PDE5A: variants seen among roughly 807,000 people sequenced by gnomAD.
PDE5A encodes the protein cGMP-specific 3',5'-cyclic phosphodiesterase.
In PDE5A, 67 loss-of-function variants were observed where a neutral mutation model predicts 110.2. That is an observed-to-expected ratio of 0.61 (90% CI 0.50 to 0.75). The LOEUF (loss-of-function observed/expected upper bound fraction) is 0.75. PDE5A is among the 30% of genes least tolerant of loss of function. The pLI, the probability that PDE5A is intolerant of heterozygous loss-of-function variation, is 0.00. For synonymous variants in PDE5A, 328 were observed against 351.2 expected (o/e 0.93, Z 0.74); for missense variants, 862 against 1,045.1 (o/e 0.82, Z 2.42).
intron 11 of PDE5A, among the ~76,000 whole-genome samples, chr4:119,537,593 C>G (rs1726772904): frequency 6.6e-6 from 1 of 152,046 alleles, no homozygotes; most frequent in Non-Finnish European, 1.5e-5. Flanking sequence ...GAGTTCTGTT[C>G]TCAGTCTCTC....
intron 7 of PDE5A, among the ~76,000 whole-genome samples, chr4:119,556,030 C>T (rs143736885): frequency 1.7e-3 from 264 of 152,258 alleles, no homozygotes; most frequent in African/African-American, 5.9e-3. Context: ...AGGTTAGTAA[C>T]TGTCATAGGA....
intron 1 of PDE5A, among the ~76,000 whole-genome samples, chr4:119,624,080 GT>G (rs2079978370): frequency 6.6e-6 from 1 of 151,982 alleles, no homozygotes; most frequent in Non-Finnish European, 1.5e-5. Flanking sequence ...CTTAGAGCTG[GT>G]TATATGGACC....
In PDE5A at chr4:119,627,303, C is replaced by T; in HGVS notation, c.152+1217G>A. 1 of 1,293,306 alleles carries T rather than the reference C, an allele frequency of 7.7e-7. No homozygotes were observed. Among genetic ancestry groups the T allele is most frequent in the Admixed American group, 3.2e-5 (1 of 31,306 alleles). The allele number at this position is 1,293,306 out of a possible 1,614,324, so 80.1% of individuals were successfully genotyped here. A position where few individuals can be genotyped will look rare whatever the true frequency, so the allele number is the denominator to read the frequency against. The stretch of plus-strand genomic sequence containing the variant: ...CTCAGAACCAGCTCCCTCACGGCCC[C>T]GGCCTCCGCGCCGCCGCCCGTCGCC... On this transcript the variant is annotated intron_variant, in intron 1 of 20. Coordinates refer to ENST00000354960, the MANE Select transcript of PDE5A (RefSeq NM_001083.4). This position sits in a 1 kb window ranked among gnomAD's most constrained non-coding sequence, Gnocchi z 4.6.
At position 119,498,535 on chromosome 4, in the gene PDE5A, A is replaced by T. The variant is rs144274189; in HGVS notation, c.*66T>A. ...TACAGACACTATACAGACAGTGTGTAAGAAACTAGGCATATTGCAGAACAC... is the reference window on the plus strand; with the variant it reads ...TACAGACACTATACAGACAGTGTGTTAGAAACTAGGCATATTGCAGAACAC... On this transcript the variant is annotated 3_prime_UTR_variant, in exon 21 of 21. Coordinates refer to ENST00000354960, the MANE Select transcript of PDE5A (RefSeq NM_001083.4). 584 of 1,572,188 alleles carry T rather than the reference A, an allele frequency of 3.7e-4. 9 individuals are homozygous for T. The East Asian group carries it at 0.013, about 35-fold the overall frequency.
chr4:119,522,416 T>C (rs755991057), intron 12 of PDE5A, among the ~76,000 whole-genome samples: 28 of 152,118 alleles, frequency 1.8e-4, no homozygotes, highest in Middle Eastern at 3.4e-3. Context: ...AAGTAAGATC[T>C]ATAAACTCTC....
At chr4:119,565,459 G>T in intron 4 of PDE5A, 49 bp from the exon 5 acceptor site, 1 of 1,212,698 alleles carries the variant, frequency 8.2e-7, no homozygotes, top group Non-Finnish European at 1.2e-6. Flanking sequence ...AAACAGTCTA[G>T]TTACATTGCC....
chr4:119,615,235 A>T (rs4834788), intron 1 of PDE5A, among the ~76,000 whole-genome samples: 1 of 152,006 alleles, frequency 6.6e-6, no homozygotes, highest in Non-Finnish European at 1.5e-5. Flanking sequence ...TCATTTTTAA[A>T]TAGGGGAAAA....
In PDE5A at chr4:119,501,197, T is replaced by C. The variant is rs150671601; in HGVS notation, c.2463A>G (p.Ile821Met). The C allele has an allele frequency of 6.2e-7, 1 of 1,611,756 alleles. No homozygotes were observed. Among genetic ancestry groups the C allele is most frequent in the African/African-American group, 1.3e-5 (1 of 75,000 alleles). Residue 821 changes from isoleucine (I) to methionine (M), a missense_variant, in exon 20 of 21, where the codon ATA (isoleucine) becomes ATG (methionine). Physicochemically the swap from Ile to Met is conservative, Grantham distance 10 (BLOSUM62 1). Transcript: ENST00000354960. ...CATACAGTTGCAAGCAGATGGCATC[T>C]ATGAACCCAACTTGCATACTTGGGA... ...NKIPSMQVGF[I>M]DAICLQLYEA...
chr4:119,549,551 G>A (rs1359395705), intron 9 of PDE5A: 1 of 152,072 alleles, frequency 6.6e-6, no homozygotes, highest in Non-Finnish European at 1.5e-5. Flanking sequence ...ATTTAAAGTG[G>A]AGATGTTCTA....
intron 3 of PDE5A, among the ~76,000 whole-genome samples, chr4:119,571,149 T>C (rs887615699): frequency 7.2e-5 from 11 of 152,156 alleles, no homozygotes; most frequent in Non-Finnish European, 1.3e-4. Flanking sequence ...GTGAGAGAGT[T>C]GACATAACCG....
rs146720132 is a variant in PDE5A at position 119,588,246 on chromosome 4, C to T, written c.831+8277G>A. Among the ~76,000 whole-genome samples, 783 of 149,296 alleles carry T rather than the reference C, an allele frequency of 5.2e-3. 4 individuals carry two copies. The highest frequency in any genetic ancestry group is 0.019 in the African/African-American group (761 of 40,546). ...CTGGAGTGCACTGGCACGATCTCAG[C>T]TCACTGAAGCCTCTGTCTCCCAGCC... is the stretch of plus-strand genomic sequence containing the variant. On this transcript the variant is annotated intron_variant, in intron 3 of 20. Transcript: ENST00000354960.
intron 4 of PDE5A, among the ~76,000 whole-genome samples, chr4:119,565,924 TATTA>T (rs897303509): frequency 6.7e-5 from 10 of 148,872 alleles, no homozygotes; most frequent in East Asian, 2.0e-4. Context: ...TTTCTAATTA[TATTA>T]ATTATTGATT....
At chr4:119,498,850 T>G in intron 20 of PDE5A, 112 bp from the exon 21 acceptor site, 16 of 1,119,800 alleles carry the variant, frequency 1.4e-5, no homozygotes, top group Non-Finnish European at 2.1e-5. Flanking sequence ...GCAGACTCAC[T>G]GTTGAAATTT....
intron 14 of PDE5A, among the ~76,000 whole-genome samples, chr4:119,512,633 G>A (rs528789842): frequency 1.3e-5 from 2 of 152,122 alleles, no homozygotes; most frequent in South Asian, 4.2e-4. Flanking sequence ...CTCCTGACTA[G>A]GAGTGGGATG....
chr4:119,559,615 T>A (rs181945143), intron 7 of PDE5A, among the ~76,000 whole-genome samples: 3 of 152,298 alleles, frequency 2.0e-5, no homozygotes, highest in Non-Finnish European at 2.9e-5. Context: ...TATTACAGCA[T>A]CATAAAATTA....
intron 1 of PDE5A, among the ~76,000 whole-genome samples, chr4:119,609,807 G>T (rs978866120): frequency 6.6e-6 from 1 of 152,082 alleles, no homozygotes; most frequent in African/African-American, 2.4e-5. Flanking sequence ...TAAGTATGAG[G>T]CAATGCATAT....
In PDE5A at chr4:119,497,709, C is replaced by G. The variant is rs182581904; in HGVS notation, c.*892G>C. The G allele has an allele frequency of 5.9e-5, 9 of 152,258 alleles. No individual in the cohort carries two copies. Among genetic ancestry groups the G allele is most frequent in the Middle Eastern group, 3.4e-3 (1 of 294 alleles). The allele number at this position is 152,258 out of a possible 1,614,324, so 9.4% of individuals were successfully genotyped here. On this transcript the variant is annotated 3_prime_UTR_variant, in exon 21 of 21. Transcript: ENST00000354960. ...TCTTATCTATAACCATGTCTCACTTCAAGTCAATGCTACAATTGTCACTTT... is the reference window on the plus strand; with the variant it reads ...TCTTATCTATAACCATGTCTCACTTGAAGTCAATGCTACAATTGTCACTTT...
intron 3 of PDE5A, among the ~76,000 whole-genome samples, chr4:119,568,045 AT>A (rs1481019144): frequency 2.0e-5 from 3 of 152,150 alleles, no homozygotes; most frequent in African/African-American, 7.2e-5. Flanking sequence ...AGAAAAAGAT[AT>A]AAAATTCTCC....
intron 1 of PDE5A, among the ~76,000 whole-genome samples, chr4:119,619,562 T>C (rs111697901): frequency 6.6e-6 from 1 of 152,176 alleles, no homozygotes; most frequent in African/African-American, 2.4e-5. Flanking sequence ...GTTCGAACCA[T>C]TAATAAAATT....
Sources: gnomAD v4.1 joint callset for allele counts (sites outside exome capture counted in the v4.1 genomes callset) on GRCh38, gnomAD v4.1.1 for gene constraint, Gnocchi (gnomAD v3.1) non-coding constraint, MANE v1.5 for transcripts, NCBI Gene and HGNC (gene_info 2026-07-23, HGNC 2026-07-21) for gene names.